CHD7: variants seen among roughly 807,000 people sequenced by gnomAD.
The protein encoded by CHD7 is chromodomain helicase DNA binding protein 7.
In CHD7, 24 loss-of-function variants were observed where a neutral mutation model predicts 307.3. The observed-to-expected ratio is 0.08, with a 90% CI of 0.06 to 0.11. CHD7 has a LOEUF of 0.11. Among genes scored for constraint, CHD7 ranks in the 10% least tolerant of loss-of-function variants. CHD7 has a pLI of 1.00. For missense variants in CHD7, 3,106 were observed against 3,727.1 expected (o/e 0.83, Z 4.34); for synonymous variants, 1,363 against 1,349.9 (o/e 1.01, Z -0.21).
chr8:60,788,691 A>C (rs1214168044), intron 3 of CHD7, among the ~76,000 whole-genome samples: 1 of 152,192 alleles, frequency 6.6e-6, no homozygotes, highest in Admixed American at 6.5e-5. Flanking sequence ...AGGGTGCCTG[A>C]GGCTGCTGGG....
At chr8:60,755,219 G>A (rs1279516604) in intron 2 of CHD7, among the ~76,000 whole-genome samples, 1 of 152,152 alleles carries the variant, frequency 6.6e-6, no homozygotes, top group African/African-American at 2.4e-5. Context: ...TGGCTGCAGT[G>A]TAATTTAGTA....
At position 60,701,598 on chromosome 8, in the gene CHD7, A is replaced by G. The variant is rs573691811; in HGVS notation, c.-175+22516A>G. ...TTTCTTTTATGTAACTGTCTACCTT[A>G]TATAATGGGAATATTTCCTGATATT... On this transcript the variant is annotated intron_variant, in intron 1 of 37. Coordinates refer to ENST00000423902, the MANE Select transcript of CHD7 (RefSeq NM_017780.4). Among the ~76,000 whole-genome samples, 3 of 152,312 alleles carry G rather than the reference A, an allele frequency of 2.0e-5. No homozygotes were observed. In the East Asian group the frequency reaches 5.8e-4, roughly 29 times the overall value.
chr8:60,860,250 G>A (rs942602852), intron 34 of CHD7, among the ~76,000 whole-genome samples: 9 of 152,008 alleles, frequency 5.9e-5, no homozygotes, highest in Non-Finnish European at 8.8e-5. Context: ...ATCATTATCC[G>A]GGGATCTCCA....
intron 1 of CHD7, among the ~76,000 whole-genome samples, chr8:60,705,962 T>C (rs935108789): frequency 6.6e-6 from 1 of 152,206 alleles, no homozygotes; most frequent in Non-Finnish European, 1.5e-5. Flanking sequence ...AACTTTGGAT[T>C]TCCCCAAGCA....
intron 1 of CHD7, among the ~76,000 whole-genome samples, chr8:60,710,289 G>T (rs371960084): frequency 4.2e-4 from 63 of 150,734 alleles, no homozygotes; most frequent in African/African-American, 1.5e-3. Flanking sequence ...GCTGTATTCG[G>T]TTTGGCAACA....
chr8:60,811,408 C>CA (rs1812800915), intron 7 of CHD7, among the ~76,000 whole-genome samples: 1 of 151,994 alleles, frequency 6.6e-6, no homozygotes, highest in African/African-American at 2.4e-5. Flanking sequence ...TTCGTTCTTA[C>CA]AAAAAAAGAA....
intron 1 of CHD7, among the ~76,000 whole-genome samples, chr8:60,686,452 G>A (rs906722977): frequency 6.6e-6 from 1 of 152,116 alleles, no homozygotes; most frequent in Non-Finnish European, 1.5e-5. Context: ...TGTAGACATC[G>A]AATGGAAAGG....
chr8:60,724,676 T>G (rs1808081583), intron 1 of CHD7, among the ~76,000 whole-genome samples: 1 of 152,206 alleles, frequency 6.6e-6, no homozygotes, highest in African/African-American at 2.4e-5. Flanking sequence ...TTCCCAGCCA[T>G]TATATTCCAT....
rs535533268 is a variant in CHD7 at position 60,822,719 on chromosome 8, G to T, written c.3174G>T (p.Leu1058Phe). The T allele has an allele frequency of 3.4e-5, 54 of 1,611,164 alleles. No individual in the cohort carries two copies. The highest frequency in any genetic ancestry group is 8.8e-5 in the South Asian group (8 of 90,748). ...AAGCTAGTCGTCGGACCATTCAGTTGTATGAAATGTACTTCAAAGATCCCC... is the reference window on the plus strand; with the variant it reads ...AAGCTAGTCGTCGGACCATTCAGTTTTATGAAATGTACTTCAAAGATCCCC... ...GSQASRRTIQLYEMYFKDPQG... is the reference protein window; with the variant it reads ...GSQASRRTIQFYEMYFKDPQG... Residue 1058 changes from leucine (L) to phenylalanine (F), a missense_variant, in exon 12 of 38, where the codon TTG becomes TTT. Leu to Phe is a conservative substitution (Grantham distance 22). Coordinates refer to ENST00000423902, the MANE Select transcript of CHD7 (RefSeq NM_017780.4).
At position 60,852,531 on chromosome 8, in the gene CHD7, T is replaced by G; in HGVS notation, c.5928T>G (p.Arg1976=). ...GAAGAGAAGAGGCTGATTTTTACCG[T>G]GTGGTATCCACCTTTGGGGTTATTT... ...WTRREEADFY[R]VVSTFGVIFD... The change falls in exon 30 of 38, where the codon CGT becomes CGG. Residue 1976 remains arginine (R), a synonymous_variant. Coordinates refer to ENST00000423902, the MANE Select transcript of CHD7 (RefSeq NM_017780.4). 6.2e-7 allele frequency: 1 copy of G among 1,613,930 alleles called. No homozygotes were observed. The highest frequency in any genetic ancestry group is 8.5e-7 in the Non-Finnish European group (1 of 1,179,838).
intron 2 of CHD7, among the ~76,000 whole-genome samples, chr8:60,768,576 T>C (rs995038887): frequency 6.6e-6 from 1 of 152,210 alleles, no homozygotes; most frequent in African/African-American, 2.4e-5. Flanking sequence ...TCCTTCCTCA[T>C]TGAGATAAAT....
chr8:60,800,295 G>C (rs1812237602), intron 4 of CHD7, 93 bp from the exon 5 acceptor site: 1 of 1,320,976 alleles, frequency 7.6e-7, no homozygotes, highest in Non-Finnish European at 1.0e-6. Context: ...GCCTCCCAAA[G>C]TGCTGGGATT....
At position 60,741,896 on chromosome 8, in the gene CHD7, A is replaced by C; in HGVS notation, c.464A>C (p.Gln155Pro). 6.2e-7 allele frequency: 1 copy of C among 1,613,390 alleles called. No individual in the cohort carries two copies. The highest frequency in any genetic ancestry group is 8.5e-7 in the Non-Finnish European group (1 of 1,179,670). Residue 155 changes from glutamine to proline, a missense_variant, in exon 2 of 38, where the codon CAG becomes CCG. By Grantham distance (76) the Gln-to-Pro change is moderately conservative. Around this residue, in one of 10 missense-constraint regions of CHD7, gnomAD observed 998 missense variants for 1,004.5 expected, o/e 0.99. Transcript: ENST00000423902. ...WGPRAVQVPDQIRAPYQQQQP... is the reference protein window; with the variant it reads ...WGPRAVQVPDPIRAPYQQQQP... ...CCCAGGGCTGTTCAGGTACCAGACC[A>C]GATACGAGCCCCCTACCAGCAGCAG...
intron 29 of CHD7, 40 bp downstream of exon 29, chr8:60,852,287 G>A: frequency 1.3e-6 from 2 of 1,546,124 alleles, no homozygotes; most frequent in Admixed American, 1.7e-5. Context: ...CCCGGTACAT[G>A]CCCCTCTGCC....
At position 60,742,995 on chromosome 8, in the gene CHD7, G is replaced by A. The variant is rs765356585; in HGVS notation, c.1563G>A (p.Pro521=). The A allele has an allele frequency of 9.9e-6, 16 of 1,613,538 alleles. No homozygotes were observed. The highest frequency in any genetic ancestry group is 4.0e-5 in the African/African-American group (3 of 74,860). ...CCTGTCCTCCACTGCAGCCTCACCC[G>A]GGCTTGCACCACCAGTCTTCACCTC... ...LPTCPPLQPH[P]GLHHQSSPPH... is the part of the protein sequence containing the mutation. The change falls in exon 2 of 38, where the codon CCG becomes CCA. Residue 521 remains proline, a synonymous_variant. Coordinates refer to ENST00000423902, the MANE Select transcript of CHD7 (RefSeq NM_017780.4).
chr8:60,690,286 GT>G (rs908851264), intron 1 of CHD7, among the ~76,000 whole-genome samples: 108 of 152,034 alleles, frequency 7.1e-4, no homozygotes, highest in African/African-American at 2.3e-3. Flanking sequence ...CATGTTTATA[GT>G]TTTTTTCTTT....
intron 2 of CHD7, among the ~76,000 whole-genome samples, chr8:60,762,899 G>T (rs1810288702): frequency 6.6e-6 from 1 of 152,080 alleles, no homozygotes; most frequent in Non-Finnish European, 1.5e-5. Flanking sequence ...CCTGCTGGAG[G>T]ACGTGTCTTC....
intron 1 of CHD7, among the ~76,000 whole-genome samples, chr8:60,736,300 C>T (rs1024188554): frequency 6.6e-6 from 1 of 152,060 alleles, no homozygotes; most frequent in Non-Finnish European, 1.5e-5. Flanking sequence ...GTGGGTGGGG[C>T]AGTGGGAGGA....
At chr8:60,783,698 G>A (rs1350880626) in intron 3 of CHD7, among the ~76,000 whole-genome samples, 1 of 152,154 alleles carries the variant, frequency 6.6e-6, no homozygotes, top group East Asian at 1.9e-4. Context: ...GATGGAACAC[G>A]TCTGATGAGC....
Sources: allele counts gnomAD v4.1 joint callset (sites outside exome capture counted in the v4.1 genomes callset), GRCh38; gene constraint gnomAD v4.1.1; regional missense constraint gnomAD v4.1.1; transcripts MANE v1.5; gene names NCBI Gene and HGNC (gene_info 2026-07-23, HGNC 2026-07-21).